Variants in KCNS3 observed in about 807,000 individuals in gnomAD.
KCNS3 encodes the protein potassium voltage-gated channel modifier subfamily S member 3, also known as delayed-rectifier potassium channel regulatory subunit KCNS3.
Under a neutral mutation model 31.0 loss-of-function variants are expected in KCNS3, and 13 were observed. That is an observed-to-expected ratio of 0.42 (90% CI 0.27 to 0.67). The LOEUF (loss-of-function observed/expected upper bound fraction) is 0.67, where lower values mean the gene tolerates loss of function less well. Ranked by LOEUF, KCNS3 falls within the 30% of genes least tolerant of loss-of-function variation. KCNS3 has a pLI of 0.25. For missense variants in KCNS3, 545 were observed against 622.4 expected, an observed-to-expected ratio of 0.88 and a Z score of 1.32; for synonymous variants, 238 against 241.5, an observed-to-expected ratio of 0.99 and a Z score of 0.13.
intron 1 of KCNS3, among the ~76,000 whole-genome samples, chr2:17,905,392 C>G (rs1335457235): frequency 6.6e-6 from 1 of 152,214 alleles, no homozygotes; most frequent in Non-Finnish European, 1.5e-5. Context: ...AATATACAAT[C>G]ATGTCATCTG....
chr2:17,917,370 G>T (rs1406290856), intron 1 of KCNS3, among the ~76,000 whole-genome samples: 1 of 152,160 alleles, frequency 6.6e-6, no homozygotes, highest in Non-Finnish European at 1.5e-5. Flanking sequence ...AAACCATGTG[G>T]GAGTAGGTAA....
chr2:17,896,877 T>C (rs2125237823), intron 1 of KCNS3, among the ~76,000 whole-genome samples: 1 of 152,316 alleles, frequency 6.6e-6, no homozygotes, highest in African/African-American at 2.4e-5. Flanking sequence ...TCCTATAGTT[T>C]CTTTTTTTCA....
At chr2:17,899,441 CTATT>C (rs1662113065) in intron 1 of KCNS3, among the ~76,000 whole-genome samples, 1 of 151,188 alleles carries the variant, frequency 6.6e-6, no homozygotes, top group African/African-American at 2.4e-5. Context: ...TATCTATCAT[CTATT>C]TATCAACAGA....
At position 17,931,563 on chromosome 2, in the gene KCNS3, G is replaced by A. The variant is rs1195831163; in HGVS notation, c.555G>A (p.Lys185=). 6.2e-7 allele frequency: 1 copy of A among 1,614,188 alleles called. No individual in the cohort carries two copies. Among genetic ancestry groups the A allele is most frequent in the Non-Finnish European group, 8.5e-7 (1 of 1,180,026 alleles). ...ATCCAGCGTACTGCCTGTCCGCTAAGCTTATCGCTATCTCCTCCTTGAGCG... is the reference window on the plus strand; with the variant it reads ...ATCCAGCGTACTGCCTGTCCGCTAAACTTATCGCTATCTCCTCCTTGAGCG... ...MENPAYCLSA[K]LIAISSLSVV... The change falls in exon 3 of 3, where the codon AAG becomes AAA. Residue 185 remains lysine, a synonymous_variant. Transcript: ENST00000304101. This position sits in a 1 kb window ranked among gnomAD's most constrained non-coding sequence, Gnocchi z 5.4.
chr2:17,909,460 C>T (rs145408031), intron 1 of KCNS3, among the ~76,000 whole-genome samples: 2,959 of 152,268 alleles, frequency 0.019, 40 homozygotes, highest in Non-Finnish European at 0.03. Flanking sequence ...GCTGCACCCA[C>T]TGTCCTGCCC....
chr2:17,892,309 C>T (rs1164353720), intron 1 of KCNS3, among the ~76,000 whole-genome samples: 2 of 151,380 alleles, frequency 1.3e-5, no homozygotes, highest in Non-Finnish European at 2.9e-5. Context: ...TATCTATTTC[C>T]TTGAATATTT....
intron 1 of KCNS3, among the ~76,000 whole-genome samples, chr2:17,891,545 G>A (rs903227169): frequency 2.6e-5 from 4 of 152,056 alleles, no homozygotes; most frequent in African/African-American, 9.7e-5. Context: ...GCTTTAAAGA[G>A]GTTCTGTTTT....
chr2:17,901,648 C>A (rs1272031846), intron 1 of KCNS3, among the ~76,000 whole-genome samples: 1 of 151,980 alleles, frequency 6.6e-6, no homozygotes, highest in Non-Finnish European at 1.5e-5. Flanking sequence ...ATGAGAAGAG[C>A]AGAGGCACAA....
At chr2:17,922,032 T>C (rs1056729783) in intron 2 of KCNS3, among the ~76,000 whole-genome samples, 1 of 149,432 alleles carries the variant, frequency 6.7e-6, no homozygotes, top group African/African-American at 2.5e-5. Flanking sequence ...ACTGGCTTTG[T>C]TTGATATGCC....
intron 1 of KCNS3, among the ~76,000 whole-genome samples, chr2:17,889,535 C>T (rs547004638): frequency 1.6e-4 from 25 of 152,210 alleles, no homozygotes; most frequent in African/African-American, 6.0e-4. Flanking sequence ...TTCAACTTTT[C>T]CCCATTCAGT....
At chr2:17,926,438 C>A (rs770560492) in intron 2 of KCNS3, among the ~76,000 whole-genome samples, 1 of 152,246 alleles carries the variant, frequency 6.6e-6, no homozygotes, top group South Asian at 2.1e-4. Flanking sequence ...CCTTTCTGCA[C>A]TGCCCTAGCA....
intron 2 of KCNS3, among the ~76,000 whole-genome samples, chr2:17,920,246 A>G (rs1288722225): frequency 6.6e-6 from 1 of 152,220 alleles, no homozygotes; most frequent in African/African-American, 2.4e-5. Context: ...TGAAATTGAT[A>G]CCAAAAAGCA....
chr2:17,928,104 C>T (rs1662876942), intron 2 of KCNS3, among the ~76,000 whole-genome samples: 1 of 152,146 alleles, frequency 6.6e-6, no homozygotes, highest in African/African-American at 2.4e-5. Flanking sequence ...TTTTTGTTGA[C>T]ACTAGCAATT....
In KCNS3 at chr2:17,922,741, G is replaced by A. The variant is rs187535736; in HGVS notation, c.-60+4870G>A. ...ACTATTATGGATATTTCATATAAAT[G>A]GAATAATACAATATATGATCTTTTA... On this transcript the variant is annotated intron_variant, in intron 2 of 2. Transcript: ENST00000304101. Among the ~76,000 whole-genome samples, 289 of 150,700 alleles carry A rather than the reference G, an allele frequency of 1.9e-3. 2 individuals carry two copies. Among genetic ancestry groups the A allele is most frequent in the African/African-American group, 6.7e-3 (274 of 40,918 alleles).
Position 17,925,731 on chromosome 2 carries a change from C to A in KCNS3, c.-59-5219C>A, listed in dbSNP as rs138232378. Among the ~76,000 whole-genome samples the A allele has an allele frequency of 2.4e-3, 370 of 152,308 alleles. 3 individuals carry two copies. The highest frequency in any genetic ancestry group is 4.8e-3 in the Admixed American group (74 of 15,298). On this transcript the variant is annotated intron_variant, in intron 2 of 2. Transcript: ENST00000304101. ...TCCAGTTACCTCTTACCAGGTCGCT[C>A]CCTTGACACGTGGGGATTACAATTC... is the stretch of plus-strand genomic sequence containing the variant.
intron 1 of KCNS3, among the ~76,000 whole-genome samples, chr2:17,908,762 C>T (rs1021275318): frequency 4.6e-5 from 7 of 152,350 alleles, no homozygotes; most frequent in South Asian, 2.1e-4. Flanking sequence ...GCCGTGGAGG[C>T]TGCAGAACAG....
intron 1 of KCNS3, among the ~76,000 whole-genome samples, chr2:17,909,992 C>T (rs973932719): frequency 2.0e-5 from 3 of 152,204 alleles, no homozygotes; most frequent in Non-Finnish European, 4.4e-5. Flanking sequence ...ATTCTTAATC[C>T]TTCCTTTTGC....
intron 1 of KCNS3, among the ~76,000 whole-genome samples, chr2:17,882,563 A>G (rs369254753): frequency 1.2e-4 from 18 of 152,128 alleles, no homozygotes; most frequent in African/African-American, 3.4e-4. Flanking sequence ...TTTGAATTTC[A>G]TCCTGGACCT....
chr2:17,887,832 A>T (rs1661716142), intron 1 of KCNS3, among the ~76,000 whole-genome samples: 1 of 152,164 alleles, frequency 6.6e-6, no homozygotes, highest in African/African-American at 2.4e-5. Context: ...CCACTTCAAC[A>T]TCTACTGTTT....
Sources: allele counts gnomAD v4.1 joint callset (sites outside exome capture counted in the v4.1 genomes callset), GRCh38; gene constraint gnomAD v4.1.1; non-coding constraint Gnocchi (gnomAD v3.1); transcripts MANE v1.5; gene names NCBI Gene and HGNC (gene_info 2026-07-23, HGNC 2026-07-21).